BCL6: variants seen among roughly 807,000 people sequenced by gnomAD.
BCL6 encodes BCL6 transcription repressor, also known as B-cell lymphoma 6 protein.
BCL6 carries 7 observed loss-of-function variants against 59.5 expected under a neutral mutation model. The observed-to-expected ratio is 0.12, with a 90% CI of 0.07 to 0.22. The LOEUF (loss-of-function observed/expected upper bound fraction) is 0.22. Among genes scored for constraint, BCL6 ranks in the 10% least tolerant of loss-of-function variants. The probability of loss-of-function intolerance (pLI) is 1.00; values close to 1 mark genes in which losing one functional copy is unlikely to be tolerated. For missense variants in BCL6, 685 were observed against 939.4 expected (o/e 0.73, Z 3.54); for synonymous variants, 339 against 349.7 (o/e 0.97, Z 0.34).
chr3:187,721,711 C>G lies in BCL6; in HGVS notation c.*747G>C. On this transcript the variant is annotated 3_prime_UTR_variant, in exon 10 of 10. Coordinates refer to ENST00000406870, the MANE Select transcript of BCL6 (RefSeq NM_001706.5). This position sits in a 1 kb window ranked among gnomAD's most constrained non-coding sequence, Gnocchi z 4.2. Reference sequence around the variant, plus strand: ...TTTTCCTTCTGCAGATTTTTTTGTTCTTTTTGTTTTTTTTAATACACACTT... The same window carrying G: ...TTTTCCTTCTGCAGATTTTTTTGTTGTTTTTGTTTTTTTTAATACACACTT... The G allele has an allele frequency of 4.3e-6, 1 of 231,778 alleles. No individual in the cohort carries two copies. The highest frequency in any genetic ancestry group is 1.3e-3 in the Middle Eastern group (1 of 776). The allele number at this position is 231,778 out of a possible 1,614,324, so 14.4% of individuals were successfully genotyped here. A position where few individuals can be genotyped will look rare whatever the true frequency, so the allele number is the denominator to read the frequency against.
At chr3:187,743,344 G>C (rs1180606836) in intron 1 of BCL6, among the ~76,000 whole-genome samples, 1 of 151,512 alleles carries the variant, frequency 6.6e-6, no homozygotes, top group Non-Finnish European at 1.5e-5. Context: ...GCGGGGGCCG[G>C]CGGGGAGGGG....
intron 1 of BCL6, among the ~76,000 whole-genome samples, chr3:187,739,767 C>A (rs958479878): frequency 6.6e-6 from 1 of 152,160 alleles, no homozygotes; most frequent in Non-Finnish European, 1.5e-5. Flanking sequence ...GCCGTCCTGG[C>A]TGGACTGGGC....
intron 1 of BCL6, chr3:187,737,951 C>CCTGCG (rs1560156794): frequency 1.3e-5 from 2 of 151,914 alleles, no homozygotes; most frequent in South Asian, 2.1e-4. Flanking sequence ...AGGATCGCTG[C>CCTGCG]CTGCGCTGCG....
At chr3:187,743,979 C>G in intron 1 of BCL6, among the ~76,000 whole-genome samples, 1 of 152,134 alleles carries the variant, frequency 6.6e-6, no homozygotes, top group East Asian at 1.9e-4. Context: ...GTGCCCTTCT[C>G]TCCTCCTGAG....
chr3:187,743,924 G>A (rs1033101091), intron 1 of BCL6, among the ~76,000 whole-genome samples: 26 of 152,024 alleles, frequency 1.7e-4, no homozygotes, highest in Non-Finnish European at 2.5e-4. Context: ...TTTCGCGCCC[G>A]CGCCCGCTCC....
chr3:187,732,400 A>G, intron 3 of BCL6: 1 of 433,930 alleles, frequency 2.3e-6, no homozygotes, highest in South Asian at 1.7e-5. Context: ...AATAAATAAA[A>G]ATATGCCTAC....
chr3:187,734,031 G>A lies in BCL6; in HGVS notation c.-10-328C>T, dbSNP rs145097282. Among the ~76,000 whole-genome samples the A allele has an allele frequency of 3.6e-3, 545 of 152,216 alleles. 1 individual carries two copies. Among genetic ancestry groups the A allele is most frequent in the Non-Finnish European group, 4.0e-3 (269 of 67,984 alleles). The stretch of plus-strand genomic sequence containing the variant: ...GAGTATGTTGCAATGGAGAGACACC[G>A]TGTTTTTTGTTTTTGTTTTTGTTTT... On this transcript the variant is annotated intron_variant, in intron 2 of 9. Transcript: ENST00000406870.
chr3:187,740,701 A>C (rs1272291919), intron 1 of BCL6, among the ~76,000 whole-genome samples: 1 of 152,196 alleles, frequency 6.6e-6, no homozygotes, highest in Non-Finnish European at 1.5e-5. Flanking sequence ...TGCAAAACAG[A>C]GTTGTACGTC....
chr3:187,721,509 G>A lies in BCL6; in HGVS notation c.*949C>T. 1 of 233,344 alleles carries A rather than the reference G, an allele frequency of 4.3e-6. No individual in the cohort carries two copies. The allele number at this position is 233,344 out of a possible 1,614,324, so 14.5% of individuals were successfully genotyped here. A position where few individuals can be genotyped will look rare whatever the true frequency, so the allele number is the denominator to read the frequency against. On this transcript the variant is annotated 3_prime_UTR_variant, in exon 10 of 10. Coordinates refer to ENST00000406870, the MANE Select transcript of BCL6 (RefSeq NM_001706.5). This position sits in a 1 kb window ranked among gnomAD's most constrained non-coding sequence, Gnocchi z 4.2. Reference sequence around the variant, plus strand: ...ACAAGCATGACGCAGAATGGGATGAGACAAACATTCCCAAAGAGAGTTTAG... The same window carrying A: ...ACAAGCATGACGCAGAATGGGATGAAACAAACATTCCCAAAGAGAGTTTAG...
intron 1 of BCL6, among the ~76,000 whole-genome samples, chr3:187,742,458 G>GA: frequency 6.6e-6 from 1 of 152,288 alleles, no homozygotes; most frequent in African/African-American, 2.4e-5. Context: ...CTTCAAAACT[G>GA]AAAAGAAGAA....
rs765118132 is a variant in BCL6, at chr3:187,728,479, T to C, written c.1421A>G (p.Lys474Arg). Residue 474 changes from lysine to arginine, a missense_variant, in exon 6 of 10, where the codon AAG (lysine) becomes AGG (arginine). Coordinates refer to ENST00000406870, the MANE Select transcript of BCL6 (RefSeq NM_001706.5). Reference sequence around the variant, plus strand: ...GGACTGAGAGCCGCAGGACGTGCACTTCGGGGGGTGCATGTAGAGTGGTGA... The same window carrying C: ...GGACTGAGAGCCGCAGGACGTGCACCTCGGGGGGTGCATGTAGAGTGGTGA... ...SHSPLYMHPP[K>R]CTSCGSQSPQ... The C allele has an allele frequency of 6.2e-7, 1 of 1,611,864 alleles. No homozygotes were observed.
chr3:187,740,768 G>A (rs1245933165), intron 1 of BCL6, among the ~76,000 whole-genome samples: 2 of 152,190 alleles, frequency 1.3e-5, no homozygotes. Context: ...CCCTAAGAGG[G>A]GCCACAGGGA....
chr3:187,722,735 A>C, intron 9 of BCL6, 134 bp from the exon 10 acceptor site: 1 of 1,101,210 alleles, frequency 9.1e-7, no homozygotes, highest in Non-Finnish European at 1.3e-6. Flanking sequence ...CAGGTGAAGA[A>C]CCCATATGCA....
At chr3:187,745,223 T>A (rs140531551) in intron 1 of BCL6, among the ~76,000 whole-genome samples, 187 bp downstream of exon 1, 10 of 152,058 alleles carry the variant, frequency 6.6e-5, no homozygotes, top group Middle Eastern at 3.4e-3. Flanking sequence ...AATAAATAAA[T>A]ATATACATTT....
rs563714865 is a variant in BCL6 at position 187,722,193 on chromosome 3, T to C, written c.*265A>G. The stretch of plus-strand genomic sequence containing the variant: ...CCTGCTTTGACATATAAAATGATTT[T>C]GCTTTTTGCTGACATGGTTCACCTT... On this transcript the variant is annotated 3_prime_UTR_variant, in exon 10 of 10. Coordinates refer to ENST00000406870, the MANE Select transcript of BCL6 (RefSeq NM_001706.5). 1 of 357,294 alleles carries C rather than the reference T, an allele frequency of 2.8e-6. No individual in the cohort carries two copies. Among genetic ancestry groups the C allele is most frequent in the Admixed American group, 4.7e-5 (1 of 21,084 alleles). The allele number at this position is 357,294 out of a possible 1,614,324, so 22.1% of individuals were successfully genotyped here. A position where few individuals can be genotyped will look rare whatever the true frequency, so the allele number is the denominator to read the frequency against.
rs1718595404 is a variant in BCL6 at position 187,724,874 on chromosome 3, G to GCTCCACCTCCTTCCCTGCT, written c.1977+66_1977+67insAGCAGGGAAGGAGGTGGAG. 2.5e-6 allele frequency: 4 copies of GCTCCACCTCCTTCCCTGCT among 1,595,130 alleles called. No individual in the cohort carries two copies. The South Asian group carries it at 4.5e-5, about 18-fold the overall frequency. On this transcript the variant is annotated intron_variant, in intron 9 of 9. Transcript: ENST00000406870. ...CTCCCTGCTCCACCTCCTTCCCTGCGCTCCACCTCCTTCCCTGCCCTCCAC... is the reference window on the plus strand; with the variant it reads ...CTCCCTGCTCCACCTCCTTCCCTGCGCTCCACCTCCTTCCCTGCTCTCCACCTCCTTCCCTGCCCTCCAC...
At chr3:187,735,379 T>G (rs1719240266) in intron 1 of BCL6, among the ~76,000 whole-genome samples, 1 of 152,206 alleles carries the variant, frequency 6.6e-6, no homozygotes, top group African/African-American at 2.4e-5. Flanking sequence ...AGGGCCAATA[T>G]CTTTATCCTT....
intron 1 of BCL6, 39 bp downstream of exon 1, chr3:187,745,371 A>G (rs1711905171): frequency 5.0e-6 from 2 of 402,372 alleles, no homozygotes; most frequent in African/African-American, 2.1e-5. Context: ...CGGCGGCGGC[A>G]GTAGCAGCAG....
Position 187,729,486 on chromosome 3 carries a change from A to C in BCL6, c.919T>G (p.Ser307Ala). The change falls in exon 5 of 10, where the codon TCC (serine) becomes GCC (alanine). Residue 307 changes from serine to alanine, a missense_variant. Physicochemically the swap from Ser to Ala is moderately conservative, Grantham distance 99. Transcript: ENST00000406870. The surrounding 1 kb of genome is among the most constrained non-coding windows in gnomAD (Gnocchi z 5.6). ...DKASKEEERP[S>A]SEDEIALHFE... Reference sequence around the variant, plus strand: ...TGCAGGGCAATCTCATCTTCCGAGGAGGGTCTCTCTTCTTCTTTGCTGGCC... The same window carrying C: ...TGCAGGGCAATCTCATCTTCCGAGGCGGGTCTCTCTTCTTCTTTGCTGGCC... 6.2e-7 allele frequency: 1 copy of C among 1,612,472 alleles called. No individual in the cohort carries two copies.
Sources: allele counts gnomAD v4.1 joint callset (sites outside exome capture counted in the v4.1 genomes callset), GRCh38; gene constraint gnomAD v4.1.1; non-coding constraint Gnocchi (gnomAD v3.1); transcripts MANE v1.5; gene names NCBI Gene and HGNC (gene_info 2026-07-23, HGNC 2026-07-21).